The following ATP6V0E1 variants were observed in gnomAD, a reference collection of about 807,000 sequenced individuals.
ATP6V0E1 encodes V-type proton ATPase subunit e 1.
In ATP6V0E1, 4 loss-of-function variants were observed where a neutral mutation model predicts 11.6. The ratio of observed to expected loss-of-function variants is 0.35; its 90% CI spans 0.17 to 0.79. The LOEUF is 0.79. Ranked by LOEUF, ATP6V0E1 falls within the 30% of genes least tolerant of loss-of-function variation. The pLI is 0.54. For synonymous variants in ATP6V0E1, 36 were observed against 34.8 expected (o/e 1.04, Z -0.13); for missense variants, 105 against 100.0 (o/e 1.05, Z -0.21).
At chr5:173,008,694 G>A (rs113945295) in intron 2 of ATP6V0E1, among the ~76,000 whole-genome samples, 1 of 148,966 alleles carries the variant, frequency 6.7e-6, no homozygotes, top group African/African-American at 2.4e-5. Context: ...CGGATCACGA[G>A]GTCAGGAGAT....
rs778156412 is a variant in ATP6V0E1 at position 172,983,965 on chromosome 5, G to T, written c.104+1G>T. On this transcript the variant is annotated splice_donor_variant, in intron 1 of 3. Coordinates refer to ENST00000519374, the MANE Select transcript of ATP6V0E1 (RefSeq NM_003945.4). LOFTEE classifies it high-confidence loss of function. Reference sequence around the variant, plus strand: ...TCATCCCTAAGGGTCCTAACCGGGGGTAAGTGCGTGAGGCCCGCCTTGGGA... The same window carrying T: ...TCATCCCTAAGGGTCCTAACCGGGGTTAAGTGCGTGAGGCCCGCCTTGGGA... 3.7e-6 allele frequency: 6 copies of T among 1,612,216 alleles called. No individual in the cohort carries two copies. In the African/African-American group the frequency reaches 6.7e-5, roughly 18 times the overall value.
rs1273222522 is a variant in ATP6V0E1, at chr5:173,017,854, A to AG, written c.153-2384_153-2383insG. Among the ~76,000 whole-genome samples, 748 of 148,948 alleles carry AG rather than the reference A, an allele frequency of 5.0e-3. 10 individuals are homozygous for AG. Among genetic ancestry groups the AG allele is most frequent in the African/African-American group, 0.018 (697 of 38,848 alleles). The stretch of plus-strand genomic sequence containing the variant: ...AGACTCCTTCTCAAAAAAAAAAAAA[A>AG]AAAAAAGAAAAGAAAAGAAAGGGAT... On this transcript the variant is annotated intron_variant, in intron 2 of 3. Coordinates refer to ENST00000519374, the MANE Select transcript of ATP6V0E1 (RefSeq NM_003945.4).
intron 2 of ATP6V0E1, among the ~76,000 whole-genome samples, chr5:173,000,406 G>A (rs1456308707): frequency 6.6e-6 from 1 of 152,046 alleles, no homozygotes; most frequent in Non-Finnish European, 1.5e-5. Context: ...GAATTATATT[G>A]TTGTTTACTC....
At chr5:173,014,272 T>C (rs116756484) in intron 2 of ATP6V0E1, among the ~76,000 whole-genome samples, 3,507 of 151,916 alleles carry the variant, frequency 0.023, 61 homozygotes, top group Middle Eastern at 0.11. Flanking sequence ...GAAAATGGTA[T>C]GGAGTATAGA....
At chr5:173,034,174 G>A (rs555633283) in intron 3 of ATP6V0E1, among the ~76,000 whole-genome samples, 1 of 152,242 alleles carries the variant, frequency 6.6e-6, no homozygotes, top group Admixed American at 6.5e-5. Context: ...AACATAGAGT[G>A]TTACTTGTGC....
intron 3 of ATP6V0E1, among the ~76,000 whole-genome samples, chr5:173,023,610 T>G (rs1448356794): frequency 6.6e-6 from 1 of 152,208 alleles, no homozygotes; most frequent in East Asian, 1.9e-4. Context: ...TTTGGGATGC[T>G]GAGGCAGGCA....
chr5:173,002,055 T>C (rs935731598), intron 2 of ATP6V0E1, among the ~76,000 whole-genome samples: 1 of 152,198 alleles, frequency 6.6e-6, no homozygotes, highest in African/African-American at 2.4e-5. Flanking sequence ...CTTCATTTGC[T>C]TACCACCCAC....
At chr5:173,004,639 G>A (rs1472629674) in intron 2 of ATP6V0E1, among the ~76,000 whole-genome samples, 1 of 152,156 alleles carries the variant, frequency 6.6e-6, no homozygotes, top group African/African-American at 2.4e-5. Context: ...ATGGTCCTGG[G>A]AGGTTTCAAA....
chr5:172,999,242 G>GAAA (rs1198568892), intron 2 of ATP6V0E1, among the ~76,000 whole-genome samples: 1 of 152,122 alleles, frequency 6.6e-6, no homozygotes, highest in South Asian at 2.1e-4. Context: ...CATAGTCTTT[G>GAAA]AAATGTGTTT....
chr5:173,005,985 T>G (rs1185422495), intron 2 of ATP6V0E1, among the ~76,000 whole-genome samples: 1 of 152,200 alleles, frequency 6.6e-6, no homozygotes, highest in South Asian at 2.1e-4. Flanking sequence ...ATTTCAGTCT[T>G]TTGAGATTGG....
rs1756713751 is a variant in ATP6V0E1 at position 173,034,748 on chromosome 5, A to G, written c.*386A>G. 3.0e-6 allele frequency: 1 copy of G among 333,972 alleles called. No homozygotes were observed. The highest frequency in any genetic ancestry group is 5.6e-6 in the Non-Finnish European group (1 of 177,152). 20.7% of individuals were successfully genotyped at this position (333,972 alleles called of 1,614,324 possible). A position where few individuals can be genotyped will look rare whatever the true frequency, so the allele number is the denominator to read the frequency against. Reference sequence around the variant, plus strand: ...GTGTTTAGAAACTGCTGCAAGACAAACAAGACTCCAGTGGGGTGGTCAGTA... The same window carrying G: ...GTGTTTAGAAACTGCTGCAAGACAAGCAAGACTCCAGTGGGGTGGTCAGTA... On this transcript the variant is annotated 3_prime_UTR_variant, in exon 4 of 4. Transcript: ENST00000519374.
intron 2 of ATP6V0E1, among the ~76,000 whole-genome samples, chr5:173,009,719 C>G (rs1297695845): frequency 6.6e-6 from 1 of 151,544 alleles, no homozygotes; most frequent in East Asian, 1.9e-4. Flanking sequence ...CCACCTTGGC[C>G]TCCCAAAGTG....
chr5:172,997,599 G>A (rs1756086054), intron 2 of ATP6V0E1, among the ~76,000 whole-genome samples: 1 of 148,262 alleles, frequency 6.7e-6, no homozygotes, highest in Non-Finnish European at 1.5e-5. Flanking sequence ...CACGAGGTCA[G>A]GAGATCGAGA....
chr5:173,030,348 A>G (rs1269309288), intron 3 of ATP6V0E1, among the ~76,000 whole-genome samples: 1 of 151,932 alleles, frequency 6.6e-6, no homozygotes, highest in African/African-American at 2.4e-5. Flanking sequence ...AGCCTAATAT[A>G]TCGTTTAAGA....
At chr5:173,013,097 C>G (rs1490533541) in intron 2 of ATP6V0E1, among the ~76,000 whole-genome samples, 1 of 152,010 alleles carries the variant, frequency 6.6e-6, no homozygotes. Flanking sequence ...TTGCTTAAGT[C>G]CAGGAGCCTG....
chr5:172,995,876 A>G (rs1490488386), intron 2 of ATP6V0E1, among the ~76,000 whole-genome samples: 8 of 152,104 alleles, frequency 5.3e-5, no homozygotes, highest in Non-Finnish European at 2.9e-5. Context: ...AGCCTCCCAA[A>G]GTGCTAGGAT....
At chr5:173,013,533 C>T (rs963024853) in intron 2 of ATP6V0E1, among the ~76,000 whole-genome samples, 5 of 148,920 alleles carry the variant, frequency 3.4e-5, no homozygotes, top group East Asian at 2.0e-4. Flanking sequence ...TGAGATTGCG[C>T]CACTGCACTC....
chr5:172,985,488 G>C (rs1755883852), intron 1 of ATP6V0E1, among the ~76,000 whole-genome samples: 1 of 152,058 alleles, frequency 6.6e-6, no homozygotes, highest in South Asian at 2.1e-4. Flanking sequence ...CAGAATTCTG[G>C]CATTATTAAA....
At position 172,992,705 on chromosome 5, in the gene ATP6V0E1, G is replaced by A. The variant is rs112569392; in HGVS notation, c.105-2070G>A. On this transcript the variant is annotated intron_variant, in intron 1 of 3. Coordinates refer to ENST00000519374, the MANE Select transcript of ATP6V0E1 (RefSeq NM_003945.4). ...ACTTACTGACCATCTGGCATATATA[G>A]GTAGATAATTGTTGTTTGTTGTGTG... is the stretch of plus-strand genomic sequence containing the variant. 3.1e-3 allele frequency among the ~76,000 whole-genome samples: 479 copies of A among 152,238 alleles called. 1 individual carries two copies. Among genetic ancestry groups the A allele is most frequent in the African/African-American group, 0.011 (462 of 41,532 alleles).
Sources: gnomAD v4.1 joint callset for allele counts (sites outside exome capture counted in the v4.1 genomes callset) on GRCh38, gnomAD v4.1.1 for gene constraint, MANE v1.5 for transcripts, NCBI Gene and HGNC (gene_info 2026-07-23, HGNC 2026-07-21) for gene names.